Variants in PDCD2L observed in about 807,000 individuals in gnomAD.
PDCD2L encodes the protein programmed cell death 2 like.
Under a neutral mutation model 40.4 loss-of-function variants are expected in PDCD2L, and 44 were observed. The ratio of observed to expected loss-of-function variants is 1.09; its 90% CI spans 0.86 to 1.40. The LOEUF (loss-of-function observed/expected upper bound fraction) is 1.40, where lower values mean the gene tolerates loss of function less well. PDCD2L is among the 40% of genes most tolerant of loss of function. The probability of loss-of-function intolerance (pLI) is 0.00; values close to 1 mark genes in which losing one functional copy is unlikely to be tolerated. For missense variants in PDCD2L, 470 were observed against 453.7 expected, an observed-to-expected ratio of 1.04 and a Z score of -0.33; for synonymous variants, 194 against 174.6, an observed-to-expected ratio of 1.11 and a Z score of -0.88.
chr19:34,411,136 G>A (rs1325164778), intron 4 of PDCD2L, among the ~76,000 whole-genome samples: 1 of 146,704 alleles, frequency 6.8e-6, no homozygotes, highest in Non-Finnish European at 1.5e-5. Context: ...TATTTTTGGT[G>A]GGTTTCTTCA....
chr19:34,414,160 T>C (rs1387959316), intron 5 of PDCD2L, among the ~76,000 whole-genome samples: 1 of 151,916 alleles, frequency 6.6e-6, no homozygotes, highest in Non-Finnish European at 1.5e-5. Flanking sequence ...TCATAGCCTT[T>C]ATTATTATTA....
chr19:34,412,956 T>C (rs1306548600), intron 4 of PDCD2L, among the ~76,000 whole-genome samples: 1 of 151,966 alleles, frequency 6.6e-6, no homozygotes, highest in Non-Finnish European at 1.5e-5. Context: ...CCCAGGATGG[T>C]TTTGAACTCC....
intron 5 of PDCD2L, 180 bp from the exon 6 acceptor site, chr19:34,421,339 T>G (rs960216384): frequency 2.8e-6 from 2 of 709,244 alleles, no homozygotes; most frequent in African/African-American, 3.5e-5. Flanking sequence ...CTTTGAGACT[T>G]TGAATCGAAC....
chr19:34,413,086 T>G (rs1289807138), intron 4 of PDCD2L, among the ~76,000 whole-genome samples: 2 of 151,772 alleles, frequency 1.3e-5, no homozygotes, highest in African/African-American at 4.8e-5. Flanking sequence ...TTGCCCAGGC[T>G]GGAGTGCAAT....
intron 6 of PDCD2L, 134 bp from the exon 7 acceptor site, chr19:34,425,856 A>G: frequency 1.3e-6 from 1 of 798,288 alleles, no homozygotes; most frequent in Admixed American, 2.7e-5. Context: ...TGATTCTGTT[A>G]TAGCTGAAAG....
chr19:34,426,111 GT>G lies in PDCD2L; in HGVS notation c.1071del (p.Phe357LeufsTer12), dbSNP rs752732070. On this transcript the variant is annotated frameshift_variant, in exon 7 of 7. Coordinates refer to ENST00000246535, the MANE Select transcript of PDCD2L (RefSeq NM_032346.2). LOFTEE classifies it high-confidence loss of function. ...TACAAGAAGACCCAGATGAATTATT[GT>G]TTAAGTAGAGCATTTCCTTTTATTA... ...IIQEDPDELL[F>X]K 1.0e-5 allele frequency: 16 copies of G among 1,570,348 alleles called. No individual in the cohort carries two copies. The highest frequency in any genetic ancestry group is 3.3e-4 in the Middle Eastern group (2 of 6,000).
chr19:34,416,343 T>C lies in PDCD2L; in HGVS notation c.797+2496T>C, dbSNP rs114235129. ...TGAAGAACTGGGTGTGGTGGGGAGGTGGTGTAGGAAAGGACGGGGATTGCC... is the reference window on the plus strand; with the variant it reads ...TGAAGAACTGGGTGTGGTGGGGAGGCGGTGTAGGAAAGGACGGGGATTGCC... On this transcript the variant is annotated intron_variant, in intron 5 of 6. Coordinates refer to ENST00000246535, the MANE Select transcript of PDCD2L (RefSeq NM_032346.2). Among the ~76,000 whole-genome samples the C allele has an allele frequency of 2.8e-3, 428 of 151,668 alleles. 3 individuals carry two copies. Among genetic ancestry groups the C allele is most frequent in the African/African-American group, 0.01 (414 of 41,346 alleles).
At chr19:34,413,295 C>T (rs2075112415) in intron 4 of PDCD2L, among the ~76,000 whole-genome samples, 1 of 151,474 alleles carries the variant, frequency 6.6e-6, no homozygotes, top group East Asian at 1.9e-4. Context: ...TCACCTCGGC[C>T]TCCCAAAGTG....
At chr19:34,413,997 TA>T in intron 5 of PDCD2L, 150 bp downstream of exon 5, 1 of 563,244 alleles carries the variant, frequency 1.8e-6, no homozygotes, top group Non-Finnish European at 3.1e-6. Context: ...TAGGACCTAA[TA>T]CCTACTTTAT....
intron 4 of PDCD2L, among the ~76,000 whole-genome samples, chr19:34,412,409 A>C (rs1289320710): frequency 1.3e-5 from 2 of 152,184 alleles, no homozygotes; most frequent in Non-Finnish European, 2.9e-5. Flanking sequence ...TACACAATTT[A>C]AATATCAAAA....
At chr19:34,419,018 A>G (rs2075137178) in intron 5 of PDCD2L, among the ~76,000 whole-genome samples, 1 of 152,078 alleles carries the variant, frequency 6.6e-6, no homozygotes, top group Admixed American at 6.6e-5. Flanking sequence ...TTTTCAATTT[A>G]ATTTTTTTTA....
chr19:34,405,143 GTTT>G (rs74177144), intron 3 of PDCD2L, among the ~76,000 whole-genome samples, 153 bp downstream of exon 3: 1 of 111,078 alleles, frequency 9.0e-6, no homozygotes, highest in African/African-American at 3.7e-5. Flanking sequence ...TTTTCGTAAA[GTTT>G]TTTTTTTTTT....
chr19:34,406,735 TA>T (rs1159416902), intron 3 of PDCD2L, among the ~76,000 whole-genome samples: 2 of 150,742 alleles, frequency 1.3e-5, no homozygotes, highest in Admixed American at 6.6e-5. Context: ...CAGTAGAACT[TA>T]AAAAAAACCC....
At chr19:34,416,833 C>T (rs568714407) in intron 5 of PDCD2L, among the ~76,000 whole-genome samples, 160 of 152,184 alleles carry the variant, frequency 1.1e-3, no homozygotes, top group Non-Finnish European at 1.7e-3. Context: ...AAATATAATC[C>T]AGCTGGACTC....
At chr19:34,418,750 T>A (rs1294933105) in intron 5 of PDCD2L, among the ~76,000 whole-genome samples, 1 of 152,234 alleles carries the variant, frequency 6.6e-6, no homozygotes, top group African/African-American at 2.4e-5. Flanking sequence ...TTTTTAAGAA[T>A]TCTACTTCCT....
intron 5 of PDCD2L, among the ~76,000 whole-genome samples, chr19:34,415,176 A>T (rs1220606435): frequency 1.3e-5 from 2 of 152,018 alleles, no homozygotes; most frequent in Admixed American, 6.6e-5. Flanking sequence ...GCTGGAGTGC[A>T]GTGACGTGAT....
chr19:34,417,090 G>C (rs1161590171), intron 5 of PDCD2L, among the ~76,000 whole-genome samples: 3 of 152,056 alleles, frequency 2.0e-5, no homozygotes, highest in East Asian at 3.9e-4. Flanking sequence ...CTCCAGCCTG[G>C]GTGACAGAGT....
In PDCD2L at chr19:34,409,495, A is replaced by C. The variant is rs370218371; in HGVS notation, c.671A>C (p.Gln224Pro). Residue 224 changes from glutamine (Q) to proline (P), a missense_variant, in exon 4 of 7, where the codon CAG becomes CCG. By Grantham distance (76) the Gln-to-Pro change is moderately conservative. Transcript: ENST00000246535. ...CAGAGAGAAGGCATTGCCATGGATC[A>C]GTTGCTTTCCCAAAGGTGAGGATGT... ...YQQREGIAMD[Q>P]LLSQSLPNDG... 4 of 1,613,588 alleles carry C rather than the reference A, an allele frequency of 2.5e-6. No homozygotes were observed. In the South Asian group the frequency reaches 3.3e-5, roughly 13 times the overall value.
At chr19:34,416,139 T>A (rs1230528923) in intron 5 of PDCD2L, among the ~76,000 whole-genome samples, 1 of 152,188 alleles carries the variant, frequency 6.6e-6, no homozygotes, top group East Asian at 1.9e-4. Context: ...CAGGATGGTC[T>A]CGAACTCCCG....
Sources: gnomAD v4.1 joint callset for allele counts (sites outside exome capture counted in the v4.1 genomes callset) on GRCh38, gnomAD v4.1.1 for gene constraint, MANE v1.5 for transcripts, NCBI Gene and HGNC (gene_info 2026-07-23, HGNC 2026-07-21) for gene names.